Variants in SMOC1 observed in about 807,000 individuals in gnomAD.
SMOC1 encodes the protein SPARC related modular calcium binding 1, also known as SPARC-related modular calcium-binding protein 1.
In SMOC1, 22 loss-of-function variants were observed where a neutral mutation model predicts 56.3. The ratio of observed to expected loss-of-function variants is 0.39; its 90% confidence interval spans 0.28 to 0.56. The LOEUF is 0.56. Ranked by LOEUF, SMOC1 falls within the 20% of genes least tolerant of loss-of-function variation. The pLI, the probability that SMOC1 is intolerant of heterozygous loss-of-function variation, is 0.61. For missense variants in SMOC1, 509 were observed against 565.4 expected (o/e 0.90, Z 1.01); for synonymous variants, 193 against 215.0 (o/e 0.90, Z 0.89).
At chr14:69,986,864 C>T (rs2139528363) in intron 5 of SMOC1, among the ~76,000 whole-genome samples, 1 of 152,302 alleles carries the variant, frequency 6.6e-6, no homozygotes, top group South Asian at 2.1e-4. Flanking sequence ...CACTGACCTC[C>T]TGCTTTGGAA....
intron 2 of SMOC1, 56 bp from the exon 3 acceptor site, chr14:69,953,364 T>C (rs1045951725): frequency 3.2e-5 from 49 of 1,543,696 alleles, no homozygotes; most frequent in Non-Finnish European, 4.4e-5. Flanking sequence ...ATTTTGTCCC[T>C]CGGCCCCAGT....
chr14:69,962,882 G>A (rs1238936105), intron 3 of SMOC1, among the ~76,000 whole-genome samples: 1 of 152,122 alleles, frequency 6.6e-6, no homozygotes, highest in Non-Finnish European at 1.5e-5. Flanking sequence ...TGGCCAAAAA[G>A]CTTTAGTTTT....
At chr14:69,963,772 T>A (rs1038692392) in intron 3 of SMOC1, among the ~76,000 whole-genome samples, 10 of 152,218 alleles carry the variant, frequency 6.6e-5, no homozygotes, top group South Asian at 2.1e-4. Flanking sequence ...TTACGAAATT[T>A]AATTTTTAAC....
At chr14:69,937,437 G>C (rs1389642747) in intron 1 of SMOC1, among the ~76,000 whole-genome samples, 1 of 152,202 alleles carries the variant, frequency 6.6e-6, no homozygotes, top group African/African-American at 2.4e-5. Context: ...TCTCCCTCAG[G>C]AGTGGGTTTG....
At chr14:70,017,085 G>A (rs1885544158) in intron 10 of SMOC1, among the ~76,000 whole-genome samples, 1 of 152,200 alleles carries the variant, frequency 6.6e-6, no homozygotes, top group Non-Finnish European at 1.5e-5. Flanking sequence ...TAGGTGCCCA[G>A]TAAAATATGA....
rs1469248034 is a variant in SMOC1 at position 69,907,101 on chromosome 14, AG to A, written c.99+27326del. 3.3e-5 allele frequency among the ~76,000 whole-genome samples: 5 copies of A among 151,600 alleles called. No individual in the cohort carries two copies. In the East Asian group the frequency reaches 7.8e-4, roughly 24 times the overall value. On this transcript the variant is annotated intron_variant, in intron 1 of 11. Transcript: ENST00000361956. ...AACAACCTCTGGTGTAGAGGGAAGG[AG>A]GTTTAATGGGTGGTGGAGGAGACAA...
chr14:69,990,253 G>A (rs1884513569), intron 5 of SMOC1, among the ~76,000 whole-genome samples: 1 of 152,186 alleles, frequency 6.6e-6, no homozygotes, highest in African/African-American at 2.4e-5. Context: ...TTTTCATCTG[G>A]ATGATGGGAG....
At chr14:69,981,473 C>T (rs1350102574) in intron 5 of SMOC1, among the ~76,000 whole-genome samples, 1 of 152,110 alleles carries the variant, frequency 6.6e-6, no homozygotes, top group Non-Finnish European at 1.5e-5. Flanking sequence ...ATCCTGGCTG[C>T]CCCCTCCCCT....
intron 1 of SMOC1, among the ~76,000 whole-genome samples, chr14:69,884,518 G>C (rs1883740883): frequency 6.6e-6 from 1 of 152,122 alleles, no homozygotes; most frequent in African/African-American, 2.4e-5. Context: ...CCAAACCAAA[G>C]TCATGGAGCT....
chr14:69,927,411 TG>T (rs1885039584), intron 1 of SMOC1, among the ~76,000 whole-genome samples: 1 of 152,192 alleles, frequency 6.6e-6, no homozygotes. Context: ...CCGGGCGTGG[TG>T]GCTCACACCT....
intron 10 of SMOC1, among the ~76,000 whole-genome samples, chr14:70,015,568 C>G (rs1885481925): frequency 6.6e-6 from 1 of 152,144 alleles, no homozygotes; most frequent in Non-Finnish European, 1.5e-5. Flanking sequence ...GTCCCGTGAG[C>G]TCTGAGGCTG....
At chr14:69,951,175 G>A (rs1469465213) in intron 1 of SMOC1, among the ~76,000 whole-genome samples, 1 of 152,112 alleles carries the variant, frequency 6.6e-6, no homozygotes, top group Non-Finnish European at 1.5e-5. Context: ...ACAGCAGCTG[G>A]TTTCCTCAAG....
At chr14:69,891,252 A>G (rs1883951465) in intron 1 of SMOC1, among the ~76,000 whole-genome samples, 2 of 152,230 alleles carry the variant, frequency 1.3e-5, no homozygotes, top group Admixed American at 6.5e-5. Context: ...AAGTAGGGCA[A>G]ACTGGAATAT....
chr14:69,921,277 G>A (rs1323279325), intron 1 of SMOC1, among the ~76,000 whole-genome samples: 2 of 152,200 alleles, frequency 1.3e-5, no homozygotes, highest in Non-Finnish European at 2.9e-5. Context: ...CTTGCAGGCT[G>A]GTGGAGAGAC....
At chr14:69,922,337 A>G (rs1884868751) in intron 1 of SMOC1, among the ~76,000 whole-genome samples, 2 of 152,186 alleles carry the variant, frequency 1.3e-5, no homozygotes, top group Non-Finnish European at 2.9e-5. Flanking sequence ...TCTCTTCATC[A>G]TGCTTCAGGC....
chr14:69,960,457 G>T (rs944448184), intron 3 of SMOC1, among the ~76,000 whole-genome samples: 2 of 152,032 alleles, frequency 1.3e-5, no homozygotes, highest in Non-Finnish European at 2.9e-5. Context: ...CCTGCCTTTT[G>T]GTCTGTGGAC....
At chr14:69,940,477 G>T (rs1187433160) in intron 1 of SMOC1, among the ~76,000 whole-genome samples, 3 of 152,210 alleles carry the variant, frequency 2.0e-5, no homozygotes, top group Admixed American at 2.0e-4. Context: ...TTTATAAGGA[G>T]TTACTACCCT....
intron 5 of SMOC1, among the ~76,000 whole-genome samples, chr14:69,985,045 AAAAAAAAAGAAAAGAAAG>A (rs951330856): frequency 6.6e-6 from 1 of 152,066 alleles, no homozygotes; most frequent in African/African-American, 2.4e-5. Flanking sequence ...AAAAAAGAAA[AAAAAAAAAGAAAAGAAAG>A]AAATTGGCCA....
chr14:69,939,342 G>T (rs12892585), intron 1 of SMOC1, among the ~76,000 whole-genome samples: 8,680 of 152,264 alleles, frequency 0.057, 341 homozygotes, highest in Middle Eastern at 0.11. Flanking sequence ...ATCATATCTT[G>T]TGAGATTTAT....
Sources: gnomAD v4.1 joint callset for allele counts (sites outside exome capture counted in the v4.1 genomes callset) on GRCh38, gnomAD v4.1.1 for gene constraint, MANE v1.5 for transcripts, NCBI Gene and HGNC (gene_info 2026-07-23, HGNC 2026-07-21) for gene names.